Variants in TMTC2 observed in about 807,000 individuals in gnomAD.
TMTC2 encodes the protein protein O-mannosyl-transferase TMTC2.
In TMTC2, 43 loss-of-function variants were observed where a neutral mutation model predicts 82.4. That is an observed-to-expected ratio of 0.52 (90% CI 0.41 to 0.67). The LOEUF is 0.67. TMTC2 is among the 30% of genes least tolerant of loss of function. The pLI, the probability that TMTC2 is intolerant of heterozygous loss-of-function variation, is 0.00. For missense variants in TMTC2, 919 were observed against 1,012.4 expected (o/e 0.91, Z 1.25); for synonymous variants, 408 against 381.9 (o/e 1.07, Z -0.80).
chr12:82,818,374 G>A (rs2137059168), intron 1 of TMTC2, among the ~76,000 whole-genome samples: 2 of 152,048 alleles, frequency 1.3e-5, no homozygotes, highest in South Asian at 4.1e-4. Flanking sequence ...ATTACTTATG[G>A]GAAGTCCAAA....
chr12:83,075,573 GT>G (rs1883261464), intron 11 of TMTC2, among the ~76,000 whole-genome samples: 1 of 151,914 alleles, frequency 6.6e-6, no homozygotes, highest in African/African-American at 2.4e-5. Context: ...TTGATCTTAG[GT>G]TTATTCACAC....
At chr12:82,704,399 T>A (rs938084418) in intron 1 of TMTC2, among the ~76,000 whole-genome samples, 3 of 152,176 alleles carry the variant, frequency 2.0e-5, no homozygotes, top group African/African-American at 7.2e-5. Context: ...AATTTTTTTT[T>A]AAACCATCTT....
intron 11 of TMTC2, among the ~76,000 whole-genome samples, chr12:83,118,684 A>G (rs1395108792): frequency 6.6e-6 from 1 of 152,192 alleles, no homozygotes; most frequent in African/African-American, 2.4e-5. Flanking sequence ...TACTGGCTTC[A>G]TAGAATGAAT....
At chr12:82,833,419 T>C (rs964164924) in intron 1 of TMTC2, among the ~76,000 whole-genome samples, 1 of 152,170 alleles carries the variant, frequency 6.6e-6, no homozygotes, top group Non-Finnish European at 1.5e-5. Flanking sequence ...TAAAAAAACT[T>C]CTATGTTTTA....
intron 4 of TMTC2, among the ~76,000 whole-genome samples, chr12:82,931,314 GTTC>G (rs1876018573): frequency 6.6e-6 from 1 of 152,102 alleles, no homozygotes; most frequent in South Asian, 2.1e-4. Context: ...TAAGGTTATG[GTTC>G]TTTTTTGTTT....
chr12:82,714,964 A>G (rs948992180), intron 1 of TMTC2, among the ~76,000 whole-genome samples: 11 of 152,260 alleles, frequency 7.2e-5, no homozygotes, highest in Middle Eastern at 3.4e-3. Context: ...GACAAAAAGC[A>G]GATTAATAGA....
chr12:82,813,093 T>A (rs73358245), intron 1 of TMTC2, among the ~76,000 whole-genome samples: 1,911 of 151,500 alleles, frequency 0.013, 41 homozygotes, highest in African/African-American at 0.044. Flanking sequence ...ACTGTAATAG[T>A]GTTTATCTGT....
At chr12:83,046,931 A>G (rs1882165243) in intron 9 of TMTC2, among the ~76,000 whole-genome samples, 2 of 152,234 alleles carry the variant, frequency 1.3e-5, no homozygotes, top group Non-Finnish European at 2.9e-5. Context: ...TTGGTAAATT[A>G]TATTTCAGTG....
chr12:82,974,021 A>G (rs971899303), intron 7 of TMTC2, among the ~76,000 whole-genome samples: 1 of 152,220 alleles, frequency 6.6e-6, no homozygotes, highest in Non-Finnish European at 1.5e-5. Context: ...ATACCTAATT[A>G]TATCTTCCTT....
intron 2 of TMTC2, among the ~76,000 whole-genome samples, chr12:82,894,958 C>G (rs1873583927): frequency 6.8e-6 from 1 of 147,390 alleles, no homozygotes. Flanking sequence ...CACCACCATG[C>G]CTGGCAATTT....
intron 1 of TMTC2, among the ~76,000 whole-genome samples, chr12:82,740,575 T>C (rs1875348069): frequency 6.6e-6 from 1 of 152,232 alleles, no homozygotes; most frequent in African/African-American, 2.4e-5. Context: ...CATTTTCTTA[T>C]GGGTGTGTCT....
At chr12:83,069,079 ATACCACAGT>A (rs1277728267) in intron 11 of TMTC2, among the ~76,000 whole-genome samples, 2 of 152,188 alleles carry the variant, frequency 1.3e-5, no homozygotes, top group Non-Finnish European at 2.9e-5. Context: ...TCATATACAT[ATACCACAGT>A]TTATTTATCC....
rs534962714 is a variant in TMTC2, at chr12:82,897,793, A to G, written c.1483+1147A>G. On this transcript the variant is annotated intron_variant, in intron 3 of 11. Coordinates refer to ENST00000321196, the MANE Select transcript of TMTC2 (RefSeq NM_152588.3). ...GCCTGCCTTGGCCTCCTAAAGTGCT[A>G]GGATTACAGGTGTGAGCCACCACAC... 5.3e-5 allele frequency among the ~76,000 whole-genome samples: 8 copies of G among 152,110 alleles called. No homozygotes were observed. In the East Asian group the frequency reaches 1.5e-3, roughly 29 times the overall value.
intron 2 of TMTC2, among the ~76,000 whole-genome samples, chr12:82,890,333 C>G: frequency 6.6e-6 from 1 of 151,940 alleles, no homozygotes; most frequent in Non-Finnish European, 1.5e-5. Context: ...CAAATCTTAT[C>G]TTCTGCATGT....
intron 1 of TMTC2, among the ~76,000 whole-genome samples, chr12:82,742,479 T>C (rs953363547): frequency 6.6e-6 from 1 of 152,090 alleles, no homozygotes; most frequent in Non-Finnish European, 1.5e-5. Context: ...ATTTAGTAGT[T>C]GCTGTCTAAA....
intron 1 of TMTC2, among the ~76,000 whole-genome samples, chr12:82,710,426 T>C (rs1230906584): frequency 6.6e-6 from 1 of 152,232 alleles, no homozygotes; most frequent in African/African-American, 2.4e-5. Flanking sequence ...CTGTCATAAT[T>C]TATCTGTTTT....
At chr12:83,007,115 T>C (rs1316604621) in intron 8 of TMTC2, among the ~76,000 whole-genome samples, 1 of 151,896 alleles carries the variant, frequency 6.6e-6, no homozygotes, top group Admixed American at 6.6e-5. Flanking sequence ...CCAGAAAATT[T>C]AGAATTGAAA....
chr12:82,858,444 A>G (rs1438455927), intron 2 of TMTC2, among the ~76,000 whole-genome samples: 1 of 152,210 alleles, frequency 6.6e-6, no homozygotes, highest in South Asian at 2.1e-4. Context: ...AACTTTGGTC[A>G]TGTTTTAGGC....
At chr12:83,059,335 C>T (rs1191178312) in intron 10 of TMTC2, among the ~76,000 whole-genome samples, 2 of 151,650 alleles carry the variant, frequency 1.3e-5, no homozygotes, top group African/African-American at 2.4e-5. Flanking sequence ...GTAAAATGGG[C>T]ATTGGACACT....
Sources: allele counts gnomAD v4.1 joint callset (sites outside exome capture counted in the v4.1 genomes callset), GRCh38; gene constraint gnomAD v4.1.1; transcripts MANE v1.5; gene names NCBI Gene and HGNC (gene_info 2026-07-23, HGNC 2026-07-21).